PEX5L: variants seen among roughly 807,000 people sequenced by gnomAD.
PEX5L encodes PEX5-related protein.
In PEX5L, 30 loss-of-function variants were observed where a neutral mutation model predicts 84.0. The observed-to-expected ratio is 0.36, with a 90% confidence interval of 0.27 to 0.48. The LOEUF (loss-of-function observed/expected upper bound fraction) is 0.48, where lower values mean the gene tolerates loss of function less well. Among genes scored for constraint, PEX5L ranks in the 20% least tolerant of loss-of-function variants. The pLI, the probability that PEX5L is intolerant of heterozygous loss-of-function variation, is 0.99. For missense variants in PEX5L, 533 were observed against 754.6 expected (o/e 0.71, Z 3.44); for synonymous variants, 270 against 283.1 (o/e 0.95, Z 0.46).
At chr3:179,918,439 G>A (rs1336950444) in intron 2 of PEX5L, among the ~76,000 whole-genome samples, 1 of 152,194 alleles carries the variant, frequency 6.6e-6, no homozygotes, top group Non-Finnish European at 1.5e-5. Context: ...AAGGCACTGT[G>A]ATAGCTCTAT....
chr3:179,837,225 T>G (rs1735297030), intron 8 of PEX5L, among the ~76,000 whole-genome samples: 1 of 152,124 alleles, frequency 6.6e-6, no homozygotes, highest in African/African-American at 2.4e-5. Flanking sequence ...CAATAGAAAT[T>G]TCAGGGAACA....
At chr3:179,831,772 A>C (rs577005930) in intron 8 of PEX5L, among the ~76,000 whole-genome samples, 19 of 152,302 alleles carry the variant, frequency 1.2e-4, no homozygotes, top group African/African-American at 4.1e-4. Context: ...CGAGGAAAGA[A>C]AATTTCCAGT....
chr3:179,971,038 C>G (rs544417255), intron 2 of PEX5L, among the ~76,000 whole-genome samples: 1 of 152,196 alleles, frequency 6.6e-6, no homozygotes, highest in African/African-American at 2.4e-5. Context: ...CATATAACAT[C>G]CAAGCTAGTG....
At chr3:179,832,812 CTACT>C (rs1180783703) in intron 8 of PEX5L, among the ~76,000 whole-genome samples, 5 of 151,768 alleles carry the variant, frequency 3.3e-5, no homozygotes, top group Admixed American at 6.6e-5. Context: ...ACCCACAAAC[CTACT>C]TACTTACTTA....
intron 8 of PEX5L, among the ~76,000 whole-genome samples, chr3:179,831,522 T>G (rs1279365050): frequency 1.3e-5 from 2 of 152,138 alleles, no homozygotes; most frequent in East Asian, 3.9e-4. Flanking sequence ...GAGGCAGTAT[T>G]TTAGTCACCA....
At chr3:179,949,702 C>T (rs944277906) in intron 2 of PEX5L, among the ~76,000 whole-genome samples, 10 of 152,148 alleles carry the variant, frequency 6.6e-5, no homozygotes, top group African/African-American at 2.4e-4. Flanking sequence ...TAACCAAACC[C>T]TCAAGGGTAG....
intron 2 of PEX5L, among the ~76,000 whole-genome samples, chr3:179,941,760 C>T (rs1276924735): frequency 1.3e-5 from 2 of 152,230 alleles, no homozygotes; most frequent in East Asian, 1.9e-4. Flanking sequence ...CAGTGGCTCA[C>T]GCTTGTAATC....
intron 8 of PEX5L, among the ~76,000 whole-genome samples, chr3:179,856,234 T>C (rs1386965579): frequency 6.6e-6 from 1 of 152,248 alleles, no homozygotes; most frequent in Non-Finnish European, 1.5e-5. Context: ...ACCTCACACA[T>C]AGTACATTCT....
At chr3:179,822,787 C>T (rs1163846177) in intron 8 of PEX5L, among the ~76,000 whole-genome samples, 4 of 152,096 alleles carry the variant, frequency 2.6e-5, no homozygotes, top group Non-Finnish European at 5.9e-5. Flanking sequence ...TATTATTTGC[C>T]ATCCATATCC....
chr3:180,022,601 A>T (rs1404456947), intron 1 of PEX5L, among the ~76,000 whole-genome samples: 1 of 152,258 alleles, frequency 6.6e-6, no homozygotes, highest in Non-Finnish European at 1.5e-5. Flanking sequence ...AAAATAAAAC[A>T]TAAAAATATT....
rs9842121 is a variant in PEX5L at position 179,888,061 on chromosome 3, A to G, written c.199-277T>C. On this transcript the variant is annotated intron_variant, in intron 3 of 14. Transcript: ENST00000467460. ...GAAATATGATTATTCTCTAATTTCA[A>G]TATATAGAAAATGACACGTATTGAA... is the stretch of plus-strand genomic sequence containing the variant. 9,398 of 956,296 alleles carry G rather than the reference A, an allele frequency of 9.8e-3. 663 individuals are homozygous for G. The African/African-American group carries it at 0.14, about 14-fold the overall frequency. 59.2% of individuals were successfully genotyped at this position (956,296 alleles called of 1,614,324 possible). A position where few individuals can be genotyped will look rare whatever the true frequency, so the allele number is the denominator to read the frequency against.
At chr3:179,888,119 C>A (rs1052326842) in intron 3 of PEX5L, 12 of 1,290,236 alleles carry the variant, frequency 9.3e-6, no homozygotes, top group African/African-American at 3.0e-5. Context: ...CCACTCCTCA[C>A]CTGGACAAAA....
intron 2 of PEX5L, among the ~76,000 whole-genome samples, chr3:179,948,326 G>A (rs915084082): frequency 1.3e-5 from 2 of 152,172 alleles, no homozygotes; most frequent in African/African-American, 2.4e-5. Context: ...CACCTAGCAA[G>A]CTGTCTTCCT....
At chr3:179,987,863 A>G (rs1208298370) in intron 1 of PEX5L, among the ~76,000 whole-genome samples, 1 of 152,162 alleles carries the variant, frequency 6.6e-6, no homozygotes, top group African/African-American at 2.4e-5. Context: ...ATGACTGCAG[A>G]TGGTGGATTT....
chr3:179,850,533 A>AC (rs1741419747), intron 8 of PEX5L, among the ~76,000 whole-genome samples: 2 of 152,250 alleles, frequency 1.3e-5, no homozygotes, highest in African/African-American at 4.8e-5. Context: ...GTAAAATTTT[A>AC]TTTGTTTAAA....
At chr3:179,971,011 A>T (rs913232444) in intron 2 of PEX5L, among the ~76,000 whole-genome samples, 2 of 152,054 alleles carry the variant, frequency 1.3e-5, no homozygotes, top group African/African-American at 4.8e-5. Flanking sequence ...AGCAGTTTTC[A>T]TTTCACCTTA....
At chr3:180,032,214 T>G (rs186038762) in intron 1 of PEX5L, among the ~76,000 whole-genome samples, 33 of 152,356 alleles carry the variant, frequency 2.2e-4, no homozygotes, top group African/African-American at 7.5e-4. Flanking sequence ...ACAGCTTAAA[T>G]GTACATGAAT....
intron 1 of PEX5L, among the ~76,000 whole-genome samples, chr3:180,010,463 TAAAG>T (rs994680215): frequency 3.3e-5 from 5 of 151,852 alleles, no homozygotes; most frequent in Admixed American, 6.6e-5. Context: ...TCCCCCAAAA[TAAAG>T]AATTATGTGT....
rs140327201 is a variant in PEX5L, at chr3:180,034,538, T to C, written c.21+2041A>G. On this transcript the variant is annotated intron_variant, in intron 1 of 14. Coordinates refer to ENST00000467460, the MANE Select transcript of PEX5L (RefSeq NM_016559.3). ...TTAAAATGTAAGCCAACAAGTATAT[T>C]ATGAATCAATCTGTCATAGGTATTT... is the stretch of plus-strand genomic sequence containing the variant. 6.8e-3 allele frequency among the ~76,000 whole-genome samples: 1,030 copies of C among 152,258 alleles called. 12 individuals are homozygous for C. Among genetic ancestry groups the C allele is most frequent in the South Asian group, 0.043 (205 of 4,820 alleles).
Sources: allele counts gnomAD v4.1 joint callset (sites outside exome capture counted in the v4.1 genomes callset), GRCh38; gene constraint gnomAD v4.1.1; transcripts MANE v1.5; gene names NCBI Gene and HGNC (gene_info 2026-07-23, HGNC 2026-07-21).